The following TXNRD2 variants were observed in gnomAD, a reference collection of about 807,000 sequenced individuals.
TXNRD2 encodes thioredoxin reductase 2, mitochondrial.
TXNRD2 carries 67 observed loss-of-function variants against 70.8 expected under a neutral mutation model. The observed-to-expected ratio is 0.95, with a 90% confidence interval of 0.78 to 1.16. TXNRD2 has a LOEUF of 1.16. Ranked by LOEUF, TXNRD2 falls within the 50% of genes most tolerant of loss-of-function variation. TXNRD2 has a pLI of 0.00. For synonymous variants in TXNRD2, 301 were observed against 295.8 expected, an observed-to-expected ratio of 1.02 and a Z score of -0.18; for missense variants, 644 against 719.9, an observed-to-expected ratio of 0.89 and a Z score of 1.21.
chr22:19,914,411 G>C (rs750989704), intron 7 of TXNRD2, among the ~76,000 whole-genome samples: 35 of 152,214 alleles, frequency 2.3e-4, no homozygotes, highest in Non-Finnish European at 2.9e-4. Context: ...ATAGTATCTA[G>C]CCATAAAAAG....
intron 11 of TXNRD2, among the ~76,000 whole-genome samples, chr22:19,890,813 A>G (rs1437565758): frequency 6.6e-6 from 1 of 152,204 alleles, no homozygotes; most frequent in Admixed American, 6.5e-5. Flanking sequence ...AGCCGAGCAC[A>G]GCTGAGCAAA....
chr22:19,877,513 C>G (rs760524556), intron 16 of TXNRD2, among the ~76,000 whole-genome samples: 8 of 152,138 alleles, frequency 5.3e-5, no homozygotes, highest in Admixed American at 2.0e-4. Context: ...TAGGCACAGT[C>G]CTGCCTTAGG....
chr22:19,934,396 A>AAAAAAC (rs1941472507), intron 1 of TXNRD2, among the ~76,000 whole-genome samples: 1 of 151,142 alleles, frequency 6.6e-6, no homozygotes, highest in Non-Finnish European at 1.5e-5. Flanking sequence ...AAAAAAAAAA[A>AAAAAAC]AAAAACTGCA....
At chr22:19,903,684 C>T (rs1282142121) in intron 8 of TXNRD2, among the ~76,000 whole-genome samples, 1 of 152,216 alleles carries the variant, frequency 6.6e-6, no homozygotes, top group Non-Finnish European at 1.5e-5. Flanking sequence ...GCCTCGGGCT[C>T]CTCTTGGCTG....
At chr22:19,879,000 T>A (rs965934398) in intron 14 of TXNRD2, among the ~76,000 whole-genome samples, 21 of 152,242 alleles carry the variant, frequency 1.4e-4, no homozygotes, top group Admixed American at 3.9e-4. Context: ...TGTACAGCCA[T>A]TATTAATTAA....
intron 11 of TXNRD2, among the ~76,000 whole-genome samples, chr22:19,885,330 G>A (rs1054575018): frequency 1.2e-4 from 19 of 152,342 alleles, no homozygotes; most frequent in Non-Finnish European, 2.6e-4. Context: ...GCTGCTGGCC[G>A]GTATGCGGGT....
intron 8 of TXNRD2, among the ~76,000 whole-genome samples, chr22:19,908,364 G>C (rs931336505): frequency 1.3e-5 from 2 of 152,120 alleles, no homozygotes; most frequent in Non-Finnish European, 2.9e-5. Flanking sequence ...TAAGACGGAA[G>C]GGCAGCTCCC....
At chr22:19,907,412 GCA>G (rs1200786656) in intron 8 of TXNRD2, among the ~76,000 whole-genome samples, 4 of 31,358 alleles carry the variant, frequency 1.3e-4, no homozygotes, top group Admixed American at 4.0e-4. Flanking sequence ...GAGTGTGGGC[GCA>G]CCGTAAGTAG....
At chr22:19,932,353 T>A in intron 1 of TXNRD2, 1 of 1,612,588 alleles carries the variant, frequency 6.2e-7, no homozygotes, top group Non-Finnish European at 8.5e-7. Flanking sequence ...TGGTGTCGCC[T>A]CACCTTGGTC....
chr22:19,881,450 C>T (rs866149714), intron 12 of TXNRD2: 18 of 187,468 alleles, frequency 9.6e-5, no homozygotes, highest in Middle Eastern at 2.1e-3. Context: ...GCCCCCGCCC[C>T]GCCCACAGGC....
chr22:19,911,590 G>A (rs1601441586), intron 7 of TXNRD2, 143 bp from the exon 8 acceptor site: 2 of 725,128 alleles, frequency 2.8e-6, no homozygotes, highest in Non-Finnish European at 5.0e-6. Context: ...GCCAGTCCTT[G>A]TCTGCAGGCT....
rs753189519 is a variant in TXNRD2 at position 19,895,432 on chromosome 22, G to A, written c.924C>T (p.Thr308=). ...DSTTGKEDTG[T]FDTVLWAIGR... is the part of the protein sequence containing the mutation. ...CTATGGCCCACAGGACGGTGTCAAA[G>A]GTGCCCGTGTCCTCCTTGCCGGTGG... Residue 308 remains threonine (T), a synonymous_variant, in exon 11 of 18, where the codon ACC becomes ACT. Coordinates refer to ENST00000400521, the MANE Select transcript of TXNRD2 (RefSeq NM_006440.5). 2 of 1,613,972 alleles carry A rather than the reference G, an allele frequency of 1.2e-6. No homozygotes were observed. The highest frequency in any genetic ancestry group is 2.2e-5 in the South Asian group (2 of 91,084).
In TXNRD2 at chr22:19,941,818, T is replaced by C; in HGVS notation, c.-15A>G. On this transcript the variant is annotated 5_prime_UTR_variant, in exon 1 of 18. Coordinates refer to ENST00000400521, the MANE Select transcript of TXNRD2 (RefSeq NM_006440.5). ...ATTGCCGCCATCGTCGTGGGGCTTC[T>C]GGGGCAGCTAGGGCTGCCCGCCGCG... The C allele has an allele frequency of 1.3e-6, 2 of 1,514,552 alleles. No individual in the cohort carries two copies. Among genetic ancestry groups the C allele is most frequent in the South Asian group, 1.2e-5 (1 of 82,474 alleles). 93.8% of individuals were successfully genotyped at this position (1,514,552 alleles called of 1,614,324 possible).
At chr22:19,878,562 AGGTCT>A in intron 14 of TXNRD2, 125 bp from the exon 15 acceptor site, 1 of 930,544 alleles carries the variant, frequency 1.1e-6, no homozygotes, top group East Asian at 2.4e-5. Context: ...TCTGGCCTGA[AGGTCT>A]GGTCTGGGAT....
chr22:19,919,534 G>C lies in TXNRD2; in HGVS notation c.229+9C>G. On this transcript the variant is annotated intron_variant, in intron 3 of 17. Transcript: ENST00000400521. Reference sequence around the variant, plus strand: ...CCAGGACACCCGGCTCCCATAGGGTGCTGCCTACCTTGGGGAGAAGGTTCC... The same window carrying C: ...CCAGGACACCCGGCTCCCATAGGGTCCTGCCTACCTTGGGGAGAAGGTTCC... 6.4e-7 allele frequency: 1 copy of C among 1,557,160 alleles called. No homozygotes were observed. Among genetic ancestry groups the C allele is most frequent in the Non-Finnish European group, 8.7e-7 (1 of 1,150,684 alleles).
chr22:19,919,663 C>T (rs972887699), intron 2 of TXNRD2, 64 bp from the exon 3 acceptor site: 10 of 1,447,198 alleles, frequency 6.9e-6, no homozygotes, highest in Non-Finnish European at 8.3e-6. Context: ...AGAACAGGCA[C>T]TCCTCAGGGC....
At chr22:19,884,703 C>T (rs1026740507) in intron 11 of TXNRD2, among the ~76,000 whole-genome samples, 4 of 152,206 alleles carry the variant, frequency 2.6e-5, no homozygotes, top group African/African-American at 9.7e-5. Flanking sequence ...GCCAGCCACA[C>T]CCTGGACTGT....
At chr22:19,939,477 C>G (rs1291226751) in intron 1 of TXNRD2, among the ~76,000 whole-genome samples, 1 of 152,324 alleles carries the variant, frequency 6.6e-6, no homozygotes, top group South Asian at 2.1e-4. Flanking sequence ...TCCCCTTAAA[C>G]TGATTTACCT....
intron 11 of TXNRD2, among the ~76,000 whole-genome samples, chr22:19,890,580 G>T (rs1016936566): frequency 1.3e-5 from 2 of 151,868 alleles, no homozygotes; most frequent in African/African-American, 4.8e-5. Context: ...CCCCTCGCCC[G>T]GGCAGCATCC....
Sources: allele counts gnomAD v4.1 joint callset (sites outside exome capture counted in the v4.1 genomes callset), GRCh38; gene constraint gnomAD v4.1.1; transcripts MANE v1.5; gene names NCBI Gene and HGNC (gene_info 2026-07-23, HGNC 2026-07-21).